MS4A4A: variants seen among roughly 807,000 people sequenced by gnomAD.
The protein encoded by MS4A4A is membrane spanning 4-domains A4A.
In MS4A4A, 26 loss-of-function variants were observed where a neutral mutation model predicts 28.0. The ratio of observed to expected loss-of-function variants is 0.93; its 90% confidence interval spans 0.68 to 1.29. MS4A4A has a LOEUF of 1.29. MS4A4A is among the 50% of genes most tolerant of loss of function. MS4A4A has a pLI of 0.00. For synonymous variants in MS4A4A, 86 were observed against 100.8 expected (o/e 0.85, Z 0.88); for missense variants, 290 against 293.1 (o/e 0.99, Z 0.08).
intron 1 of MS4A4A, among the ~76,000 whole-genome samples, chr11:60,284,976 C>T (rs1461496311): frequency 6.6e-6 from 1 of 152,170 alleles, no homozygotes; most frequent in East Asian, 1.9e-4. Context: ...ATTTTTATTT[C>T]AAACATTAGA....
chr11:60,298,421 C>A (rs1308575160), intron 3 of MS4A4A, among the ~76,000 whole-genome samples: 1 of 152,142 alleles, frequency 6.6e-6, no homozygotes, highest in Non-Finnish European at 1.5e-5. Context: ...CTTCATATAT[C>A]CAAAAATACT....
intron 1 of MS4A4A, among the ~76,000 whole-genome samples, chr11:60,282,238 G>A (rs1438708228): frequency 6.6e-6 from 1 of 152,188 alleles, no homozygotes; most frequent in Admixed American, 6.5e-5. Flanking sequence ...CACAGAGAGA[G>A]AACCACCAGT....
At chr11:60,292,498 C>T (rs1448531527) in intron 2 of MS4A4A, 114 bp downstream of exon 2, 29 of 1,065,442 alleles carry the variant, frequency 2.7e-5, no homozygotes, top group Middle Eastern at 4.3e-4. Flanking sequence ...ACCCTCACGA[C>T]GTCAGTAATT....
chr11:60,306,569 G>A (rs1379181489), intron 6 of MS4A4A, among the ~76,000 whole-genome samples: 2 of 152,144 alleles, frequency 1.3e-5, no homozygotes, highest in Non-Finnish European at 2.9e-5. Flanking sequence ...TCAGAATAAT[G>A]CCTTTCTTGA....
At chr11:60,305,990 T>G in intron 5 of MS4A4A, 110 bp from the exon 6 acceptor site, 1 of 850,240 alleles carries the variant, frequency 1.2e-6, no homozygotes. Context: ...GGAGGCAGGT[T>G]TCCTGACTCC....
intron 4 of MS4A4A, among the ~76,000 whole-genome samples, chr11:60,302,116 T>C (rs1460667595): frequency 1.3e-5 from 2 of 152,178 alleles, no homozygotes; most frequent in African/African-American, 4.8e-5. Context: ...CTCCTTACCT[T>C]TATCCATGAG....
intron 2 of MS4A4A, 66 bp downstream of exon 2, chr11:60,292,450 A>ACTATCCCACTAGCCTCAT: frequency 6.9e-7 from 1 of 1,456,594 alleles, no homozygotes; most frequent in Non-Finnish European, 9.1e-7. Flanking sequence ...ACCTAATGCC[A>ACTATCCCACTAGCCTCAT]AATACACTGT....
At position 60,305,183 on chromosome 11, in the gene MS4A4A, G is replaced by A. The variant is rs146095630; in HGVS notation, c.547-917G>A. Among the ~76,000 whole-genome samples, 248 of 152,348 alleles carry A rather than the reference G, an allele frequency of 1.6e-3. 2 individuals are homozygous for A. The highest frequency in any genetic ancestry group is 5.6e-3 in the African/African-American group (231 of 41,584). On this transcript the variant is annotated intron_variant, in intron 5 of 6. Transcript: ENST00000337908. ...GACCATGTTTCTTGGCTGAAGACTAGCCCTAAAGCCAGTGCTCTGGGCAGA... is the reference window on the plus strand; with the variant it reads ...GACCATGTTTCTTGGCTGAAGACTAACCCTAAAGCCAGTGCTCTGGGCAGA...
chr11:60,289,992 A>G, intron 1 of MS4A4A: 1 of 316,502 alleles, frequency 3.2e-6, no homozygotes, highest in Non-Finnish European at 6.8e-6. Context: ...TATACTCTTT[A>G]CATATTCTAT....
At chr11:60,285,564 T>G (rs563923857) in intron 1 of MS4A4A, among the ~76,000 whole-genome samples, 1 of 152,206 alleles carries the variant, frequency 6.6e-6, no homozygotes, top group East Asian at 1.9e-4. Flanking sequence ...TCAGCCAGTC[T>G]GAGAAATAAA....
rs577210424 is a variant in MS4A4A at position 60,287,978 on chromosome 11, C to T, written c.42-4247C>T. Among the ~76,000 whole-genome samples the T allele has an allele frequency of 3.2e-4, 48 of 152,312 alleles. 2 individuals carry two copies. The East Asian group carries it at 9.3e-3, about 29-fold the overall frequency. On this transcript the variant is annotated intron_variant, in intron 1 of 6. Coordinates refer to ENST00000337908, the MANE Select transcript of MS4A4A (RefSeq NM_148975.3). ...ATTGGGGCCCTCAGACAGTCCTGCT[C>T]CCATATCTTTGCTGGGCTCAGTCCA...
chr11:60,282,812 T>C, intron 1 of MS4A4A: 2 of 1,099,742 alleles, frequency 1.8e-6, no homozygotes, highest in Non-Finnish European at 2.3e-6. Flanking sequence ...AACTTTATGC[T>C]AAGGGTGGTG....
At chr11:60,285,982 C>T (rs1214853465) in intron 1 of MS4A4A, among the ~76,000 whole-genome samples, 2 of 152,084 alleles carry the variant, frequency 1.3e-5, no homozygotes, top group Non-Finnish European at 2.9e-5. Context: ...GTATTTCATC[C>T]CTTATCTTCA....
At chr11:60,292,140 T>C (rs2084862437) in intron 1 of MS4A4A, 85 bp from the exon 2 acceptor site, 9 of 1,434,784 alleles carry the variant, frequency 6.3e-6, no homozygotes, top group Non-Finnish European at 8.3e-6. Flanking sequence ...CCAGATTCTG[T>C]CCTTAGGGAG....
In MS4A4A at chr11:60,308,665, A is replaced by G. The variant is rs750378032; in HGVS notation, c.*487A>G. On this transcript the variant is annotated 3_prime_UTR_variant, in exon 7 of 7. Transcript: ENST00000337908. ...TTTTTCCTTCAGGAAGTGGAGATGCATGGCCATCTCCCCCTCCCTTTTTCC... is the reference window on the plus strand; with the variant it reads ...TTTTTCCTTCAGGAAGTGGAGATGCGTGGCCATCTCCCCCTCCCTTTTTCC... 5.4e-4 allele frequency: 83 copies of G among 152,994 alleles called. No homozygotes were observed. Among genetic ancestry groups the G allele is most frequent in the Admixed American group, 1.4e-3 (21 of 15,322 alleles). 9.5% of individuals were successfully genotyped at this position (152,994 alleles called of 1,614,324 possible).
intron 1 of MS4A4A, among the ~76,000 whole-genome samples, chr11:60,285,751 C>T (rs2135010465): frequency 6.6e-6 from 1 of 152,160 alleles, no homozygotes; most frequent in South Asian, 2.1e-4. Context: ...CTTCAAATGG[C>T]AATAAAAGAT....
At chr11:60,284,941 A>G (rs764902683) in intron 1 of MS4A4A, among the ~76,000 whole-genome samples, 4 of 152,350 alleles carry the variant, frequency 2.6e-5, no homozygotes, top group South Asian at 2.1e-4. Context: ...CAATTTACCA[A>G]CTGCCCCAGA....
chr11:60,306,857 T>C (rs2085007561), intron 6 of MS4A4A, among the ~76,000 whole-genome samples: 1 of 152,256 alleles, frequency 6.6e-6, no homozygotes, highest in African/African-American at 2.4e-5. Context: ...CAACTTTTCC[T>C]GGTATATTTC....
intron 1 of MS4A4A, chr11:60,282,492 G>A: frequency 9.8e-7 from 1 of 1,018,380 alleles, no homozygotes; most frequent in Non-Finnish European, 1.3e-6. Context: ...GCAATGGTGG[G>A]GAAGTGGGGG....
Sources: gnomAD v4.1 joint callset for allele counts (sites outside exome capture counted in the v4.1 genomes callset) on GRCh38, gnomAD v4.1.1 for gene constraint, MANE v1.5 for transcripts, NCBI Gene and HGNC (gene_info 2026-07-23, HGNC 2026-07-21) for gene names.